Variants in CAMK1D observed in about 807,000 individuals in gnomAD.
The protein encoded by CAMK1D is calcium/calmodulin-dependent protein kinase type 1D.
Under a neutral mutation model 47.7 loss-of-function variants are expected in CAMK1D, and 9 were observed. The observed-to-expected ratio is 0.19, with a 90% CI of 0.11 to 0.33. The LOEUF (loss-of-function observed/expected upper bound fraction) is 0.33. Ranked by LOEUF, CAMK1D falls within the 10% of genes least tolerant of loss-of-function variation. The probability of loss-of-function intolerance (pLI) is 1.00; values close to 1 mark genes in which losing one functional copy is unlikely to be tolerated. For missense variants in CAMK1D, 291 were observed against 488.7 expected (o/e 0.60, Z 3.81); for synonymous variants, 184 against 184.9 (o/e 0.99, Z 0.04).
chr10:12,791,338 G>A (rs1241961372), intron 6 of CAMK1D, 105 bp downstream of exon 6: 2 of 963,274 alleles, frequency 2.1e-6, no homozygotes, highest in East Asian at 2.4e-5. Context: ...CAGTTTAAGG[G>A]TGCAGTTCAG....
chr10:12,360,404 A>C (rs112432210), intron 1 of CAMK1D, among the ~76,000 whole-genome samples: 4,762 of 152,254 alleles, frequency 0.031, 99 homozygotes, highest in Non-Finnish European at 0.05. Context: ...GATGGAGAGA[A>C]GAGAAGCTGT....
rs2482028 is a variant in CAMK1D at position 12,800,994 on chromosome 10, G to A, written c.641+9761G>A. On this transcript the variant is annotated intron_variant, in intron 6 of 10. Transcript: ENST00000619168. ...GTTGCATCATTTTCATGGGTAGAGTGTGGGACATTGGGGTGAGTCCTCAGG... is the reference window on the plus strand; with the variant it reads ...GTTGCATCATTTTCATGGGTAGAGTATGGGACATTGGGGTGAGTCCTCAGG... 4.4e-3 allele frequency among the ~76,000 whole-genome samples: 677 copies of A among 152,264 alleles called. 4 individuals are homozygous for A. The highest frequency in any genetic ancestry group is 0.015 in the African/African-American group (643 of 41,552).
intron 3 of CAMK1D, among the ~76,000 whole-genome samples, chr10:12,697,020 A>G (rs1429751403): frequency 1.3e-5 from 2 of 152,164 alleles, no homozygotes; most frequent in Non-Finnish European, 2.9e-5. Flanking sequence ...TAGAAAGGAG[A>G]AAAAAATGAC....
intron 8 of CAMK1D, among the ~76,000 whole-genome samples, chr10:12,817,477 G>A (rs1832845078): frequency 6.6e-6 from 1 of 152,118 alleles, no homozygotes; most frequent in Non-Finnish European, 1.5e-5. Context: ...TTGCTTTTGT[G>A]CCACTAATTT....
chr10:12,759,114 T>G (rs2482060), intron 3 of CAMK1D, among the ~76,000 whole-genome samples: 2 of 152,166 alleles, frequency 1.3e-5, no homozygotes, highest in African/African-American at 4.8e-5. Context: ...TTTGGGAGGC[T>G]AAGGCGGGAG....
rs1310086154 is a variant in CAMK1D, at chr10:12,522,749, G to C, written c.93-30476G>C. 8.6e-5 allele frequency among the ~76,000 whole-genome samples: 13 copies of C among 151,344 alleles called. 1 individual carries two copies. The highest frequency in any genetic ancestry group is 7.9e-4 in the Admixed American group (12 of 15,204). On this transcript the variant is annotated intron_variant, in intron 1 of 10. Coordinates refer to ENST00000619168, the MANE Select transcript of CAMK1D (RefSeq NM_153498.4). ...GACGGGGTGGTGGCCGGGCAGAGGG[G>C]CTCCTCACTTCCCAGAAGGGGCGGC...
chr10:12,504,249 C>T (rs1834801123), intron 1 of CAMK1D, among the ~76,000 whole-genome samples: 1 of 151,698 alleles, frequency 6.6e-6, no homozygotes, highest in Admixed American at 6.6e-5. Flanking sequence ...CACACACACA[C>T]ATCTAGGAGC....
Position 12,783,105 on chromosome 10 carries a change from G to T in CAMK1D, c.566-8053G>T, listed in dbSNP as rs184802839. 5.3e-3 allele frequency among the ~76,000 whole-genome samples: 793 copies of T among 150,628 alleles called. 9 individuals are homozygous for T. Among genetic ancestry groups the T allele is most frequent in the African/African-American group, 0.018 (756 of 40,916 alleles). ...CCTCCTCGGTCCAAGCAGTTCTCCT[G>T]CCTCAGCCTCCAGAGTAGCTGGGAC... On this transcript the variant is annotated intron_variant, in intron 5 of 10. Coordinates refer to ENST00000619168, the MANE Select transcript of CAMK1D (RefSeq NM_153498.4).
intron 4 of CAMK1D, among the ~76,000 whole-genome samples, chr10:12,764,532 C>A (rs935358443): frequency 6.6e-6 from 1 of 152,120 alleles, no homozygotes; most frequent in Non-Finnish European, 1.5e-5. Flanking sequence ...TTTGGCCACC[C>A]CTTGCCAGGA....
At chr10:12,422,432 G>A (rs1564330289) in intron 1 of CAMK1D, among the ~76,000 whole-genome samples, 1 of 152,124 alleles carries the variant, frequency 6.6e-6, no homozygotes, top group Non-Finnish European at 1.5e-5. Flanking sequence ...GATTGCAGGC[G>A]GCCCATGCCT....
rs57429397 is a variant in CAMK1D, at chr10:12,801,354, T to TATCTAATCTATCTATCTATCTATCTATC, written c.641+10121_641+10122insATCTAATCTATCTATCTATCTATCTATC. Among the ~76,000 whole-genome samples the TATCTAATCTATCTATCTATCTATCTATC allele has an allele frequency of 6.0e-5, 4 of 66,564 alleles. No individual in the cohort carries two copies. In the East Asian group the frequency reaches 1.5e-3, roughly 25 times the overall value. The allele number at this position is 66,564 out of a possible 152,430, so 43.7% of individuals were successfully genotyped here. A position where few individuals can be genotyped will look rare whatever the true frequency, so the allele number is the denominator to read the frequency against. ...CTATCTATCTATCTATCTATCTATC[T>TATCTAATCTATCTATCTATCTATCTATC]TATCTATCTATCTATCTATCTATCT... is the stretch of plus-strand genomic sequence containing the variant. On this transcript the variant is annotated intron_variant, in intron 6 of 10. Coordinates refer to ENST00000619168, the MANE Select transcript of CAMK1D (RefSeq NM_153498.4).
At chr10:12,751,127 A>ATAAGATAAGATAAG (rs1238149812) in intron 3 of CAMK1D, among the ~76,000 whole-genome samples, 1 of 140,818 alleles carries the variant, frequency 7.1e-6, no homozygotes, top group East Asian at 2.1e-4. Context: ...ATAAGATAAG[A>ATAAGATAAGATAAG]AGGCTTCAGA....
chr10:12,736,899 T>C (rs958853237), intron 3 of CAMK1D, among the ~76,000 whole-genome samples: 5 of 152,196 alleles, frequency 3.3e-5, no homozygotes, highest in Non-Finnish European at 5.9e-5. Context: ...GGCTTTCCGG[T>C]CTTCTCCTCT....
At chr10:12,596,338 A>G (rs1838146339) in intron 2 of CAMK1D, among the ~76,000 whole-genome samples, 1 of 152,148 alleles carries the variant, frequency 6.6e-6, no homozygotes, top group Non-Finnish European at 1.5e-5. Context: ...AGCAAAGTAA[A>G]GCATTTATTT....
intron 2 of CAMK1D, among the ~76,000 whole-genome samples, chr10:12,570,154 C>G (rs4367849): frequency 6.6e-6 from 1 of 151,698 alleles, no homozygotes; most frequent in Non-Finnish European, 1.5e-5. Context: ...GACCTGAGAT[C>G]GCGCCACTGC....
At chr10:12,372,795 A>T (rs1366103758) in intron 1 of CAMK1D, among the ~76,000 whole-genome samples, 3 of 151,714 alleles carry the variant, frequency 2.0e-5, no homozygotes, top group African/African-American at 7.3e-5. Context: ...GGCTCAGCTA[A>T]TTTTTTTGCA....
At chr10:12,589,320 A>G (rs1342940991) in intron 2 of CAMK1D, among the ~76,000 whole-genome samples, 1 of 152,144 alleles carries the variant, frequency 6.6e-6, no homozygotes, top group Non-Finnish European at 1.5e-5. Flanking sequence ...AGCCTGTATA[A>G]TTTTTAAAAT....
chr10:12,515,349 C>T (rs543855155), intron 1 of CAMK1D, among the ~76,000 whole-genome samples: 4 of 151,514 alleles, frequency 2.6e-5, no homozygotes, highest in African/African-American at 4.8e-5. Context: ...CTGTCCAGCC[C>T]GAAGCCTCGG....
rs61084670 is a variant in CAMK1D, at chr10:12,693,919, A to T, written c.299+27109A>T. 3.4e-3 allele frequency among the ~76,000 whole-genome samples: 380 copies of T among 111,226 alleles called. 2 individuals carry two copies. Among genetic ancestry groups the T allele is most frequent in the African/African-American group, 0.013 (364 of 28,910 alleles). The allele number at this position is 111,226 out of a possible 152,430, so 73.0% of individuals were successfully genotyped here. A position where few individuals can be genotyped will look rare whatever the true frequency, so the allele number is the denominator to read the frequency against. Reference sequence around the variant, plus strand: ...ATAAAATATATATATAATATATATAAAAATATATATAACATATATAAAATA... The same window carrying T: ...ATAAAATATATATATAATATATATATAAATATATATAACATATATAAAATA... On this transcript the variant is annotated intron_variant, in intron 3 of 10. Coordinates refer to ENST00000619168, the MANE Select transcript of CAMK1D (RefSeq NM_153498.4).
Sources: gnomAD v4.1 joint callset for allele counts (sites outside exome capture counted in the v4.1 genomes callset) on GRCh38, gnomAD v4.1.1 for gene constraint, MANE v1.5 for transcripts, NCBI Gene and HGNC (gene_info 2026-07-23, HGNC 2026-07-21) for gene names.